The following ADAM32 variants were observed in gnomAD, a reference collection of about 807,000 sequenced individuals.
ADAM32 encodes disintegrin and metalloproteinase domain-containing protein 32.
Under a neutral mutation model 114.9 loss-of-function variants are expected in ADAM32, and 89 were observed. The observed-to-expected ratio is 0.77, with a 90% CI of 0.65 to 0.92. ADAM32 has a LOEUF of 0.92. Ranked by LOEUF, ADAM32 falls within the 40% of genes least tolerant of loss-of-function variation. ADAM32 has a pLI of 0.00. For synonymous variants in ADAM32, 285 were observed against 307.5 expected, an observed-to-expected ratio of 0.93 and a Z score of 0.77; for missense variants, 870 against 932.8, an observed-to-expected ratio of 0.93 and a Z score of 0.88.
At chr8:39,134,178 G>A (rs866957810) in intron 2 of ADAM32, among the ~76,000 whole-genome samples, 7 of 152,118 alleles carry the variant, frequency 4.6e-5, no homozygotes, top group South Asian at 2.1e-4. Flanking sequence ...AAATGGGGCT[G>A]TTGGGTCCCA....
intron 1 of ADAM32, among the ~76,000 whole-genome samples, chr8:39,111,953 G>C (rs935005533): frequency 1.3e-5 from 2 of 152,028 alleles, no homozygotes; most frequent in Non-Finnish European, 2.9e-5. Context: ...CTTTACATCA[G>C]AATAATCTCT....
chr8:39,224,974 C>T (rs931574270), intron 14 of ADAM32, among the ~76,000 whole-genome samples: 23 of 152,152 alleles, frequency 1.5e-4, no homozygotes, highest in Admixed American at 2.6e-4. Flanking sequence ...GTATTAGCCA[C>T]TCAGCATGTG....
At chr8:39,234,257 C>T (rs986820636) in intron 16 of ADAM32, among the ~76,000 whole-genome samples, 175 bp downstream of exon 16, 2 of 148,668 alleles carry the variant, frequency 1.3e-5, no homozygotes, top group Non-Finnish European at 3.0e-5. Context: ...GAACATCGCA[C>T]CCCACCCCCT....
intron 19 of ADAM32, among the ~76,000 whole-genome samples, chr8:39,268,174 T>C (rs1812483829): frequency 6.6e-6 from 1 of 152,230 alleles, no homozygotes; most frequent in South Asian, 2.1e-4. Flanking sequence ...GAAAGAGCTA[T>C]GTTTTCCAAA....
chr8:39,227,936 C>T lies in ADAM32; in HGVS notation c.1526-4091C>T, dbSNP rs549314478. 1.3e-4 allele frequency among the ~76,000 whole-genome samples: 20 copies of T among 152,298 alleles called. No individual in the cohort carries two copies. In the East Asian group the frequency reaches 1.9e-3, roughly 15 times the overall value. ...CCCTCATGGAGTCCATTACGCCCTC[C>T]GCTGCCTCCACCAGAACAGTCGCTG... On this transcript the variant is annotated intron_variant, in intron 14 of 24. Transcript: ENST00000379907.
In ADAM32 at chr8:39,254,514, T is replaced by C. The variant is rs77250406; in HGVS notation, c.2003T>C (p.Met668Thr). Residue 668 changes from methionine to threonine, a missense_variant and splice_region_variant, in exon 18 of 25, where the codon ATG becomes ACG. Met to Thr is a moderately conservative substitution (Grantham distance 81). Transcript: ENST00000379907. Reference sequence around the variant, plus strand: ...TTTTCCATATTTCCTGAGGAAGATATGGGCAAGTATTTGTCTCTTTAAATA... The same window carrying C: ...TTTTCCATATTTCCTGAGGAAGATACGGGCAAGTATTTGTCTCTTTAAATA... ...KGFSIFPEED[M>T]GSIMERASGK... 7.8e-3 allele frequency: 12,226 copies of C among 1,567,660 alleles called. 781 individuals carry two copies. In the African/African-American group the frequency reaches 0.14, roughly 19 times the overall value.
intron 17 of ADAM32, among the ~76,000 whole-genome samples, chr8:39,250,498 A>G (rs1339163348): frequency 6.6e-6 from 1 of 151,928 alleles, no homozygotes; most frequent in East Asian, 1.9e-4. Flanking sequence ...TACTTTATCC[A>G]TTAGAGCTTT....
intron 2 of ADAM32, among the ~76,000 whole-genome samples, chr8:39,135,143 G>A (rs1177265220): frequency 2.6e-5 from 4 of 152,236 alleles, no homozygotes; most frequent in South Asian, 4.2e-4. Flanking sequence ...CAACAAGAGC[G>A]AAACTCTGTC....
intron 11 of ADAM32, among the ~76,000 whole-genome samples, chr8:39,209,831 G>A (rs780499793): frequency 6.6e-6 from 1 of 152,112 alleles, no homozygotes; most frequent in Non-Finnish European, 1.5e-5. Flanking sequence ...TCTTCCCCTA[G>A]CAGAAGGAGT....
intron 19 of ADAM32, among the ~76,000 whole-genome samples, chr8:39,262,341 A>C (rs777703975): frequency 9.2e-5 from 14 of 152,146 alleles, no homozygotes; most frequent in Non-Finnish European, 1.6e-4. Flanking sequence ...CACCTTGTCA[A>C]AATTCAATTG....
chr8:39,138,540 A>T (rs936148263), intron 3 of ADAM32, among the ~76,000 whole-genome samples: 6 of 152,162 alleles, frequency 3.9e-5, no homozygotes, highest in African/African-American at 1.4e-4. Flanking sequence ...TCCATGGTGT[A>T]TATATGCCAT....
At chr8:39,270,271 G>A (rs1343861807) in intron 19 of ADAM32, among the ~76,000 whole-genome samples, 1 of 152,154 alleles carries the variant, frequency 6.6e-6, no homozygotes, top group Admixed American at 6.5e-5. Flanking sequence ...TCCTGAAACT[G>A]CACTTTTATG....
chr8:39,242,179 G>GTGTTGTTCATATCGT (rs1321386095), intron 16 of ADAM32, among the ~76,000 whole-genome samples: 1 of 152,170 alleles, frequency 6.6e-6, no homozygotes, highest in Non-Finnish European at 1.5e-5. Context: ...AGCCTGGATT[G>GTGTTGTTCATATCGT]TGTTGTTCAT....
chr8:39,240,295 A>G (rs1810474943), intron 16 of ADAM32, among the ~76,000 whole-genome samples: 2 of 152,342 alleles, frequency 1.3e-5, no homozygotes, highest in Middle Eastern at 3.4e-3. Context: ...ATCCAAATAC[A>G]TGGAAATTAA....
At chr8:39,181,451 C>T (rs1427383803) in intron 10 of ADAM32, among the ~76,000 whole-genome samples, 1 of 152,184 alleles carries the variant, frequency 6.6e-6, no homozygotes, top group Non-Finnish European at 1.5e-5. Context: ...GACACGCCAC[C>T]TTAAGAGCTG....
At chr8:39,167,258 T>C (rs1182448816) in intron 9 of ADAM32, 1 of 152,250 alleles carries the variant, frequency 6.6e-6, no homozygotes, top group African/African-American at 2.4e-5. Flanking sequence ...ATCTCCTACA[T>C]GTGGCTTGGG....
intron 12 of ADAM32, among the ~76,000 whole-genome samples, chr8:39,219,478 C>T (rs1045628827): frequency 2.0e-5 from 3 of 152,174 alleles, no homozygotes; most frequent in African/African-American, 7.2e-5. Context: ...GGTTTATATG[C>T]CCCCTCTATG....
intron 15 of ADAM32, among the ~76,000 whole-genome samples, 162 bp from the exon 16 acceptor site, chr8:39,233,737 T>A (rs969109997): frequency 3.9e-5 from 6 of 152,198 alleles, no homozygotes; most frequent in Non-Finnish European, 7.3e-5. Flanking sequence ...GGATTTATAC[T>A]TTTTTTACTT....
chr8:39,249,911 G>T (rs1219970941), intron 17 of ADAM32, among the ~76,000 whole-genome samples: 1 of 151,830 alleles, frequency 6.6e-6, no homozygotes, highest in Admixed American at 6.6e-5. Flanking sequence ...CACTCTTTTT[G>T]CTTGCATGGT....
Sources: allele counts gnomAD v4.1 joint callset (sites outside exome capture counted in the v4.1 genomes callset), GRCh38; gene constraint gnomAD v4.1.1; transcripts MANE v1.5; gene names NCBI Gene and HGNC (gene_info 2026-07-23, HGNC 2026-07-21).